The following ZNF730 variants were observed in gnomAD, a reference collection of about 807,000 sequenced individuals.
ZNF730 encodes zinc finger protein 730.
A neutral mutation model predicts 12.6 loss-of-function variants in ZNF730; 12 were observed. That is an observed-to-expected ratio of 0.95 (90% CI 0.61 to 1.54). ZNF730 has a LOEUF of 1.54. Among genes scored for constraint, ZNF730 ranks in the 40% most tolerant of loss-of-function variants. The pLI is 0.00. For missense variants in ZNF730, 643 were observed against 583.5 expected, an observed-to-expected ratio of 1.10 and a Z score of -1.05; for synonymous variants, 194 against 195.8, an observed-to-expected ratio of 0.99 and a Z score of 0.08.
chr19:23,078,487 CAG>C (rs994038909), intron 1 of ZNF730, among the ~76,000 whole-genome samples: 7 of 152,080 alleles, frequency 4.6e-5, no homozygotes, highest in South Asian at 2.1e-4. Context: ...GTTTATGACA[CAG>C]AGATATTTGT....
intron 1 of ZNF730, among the ~76,000 whole-genome samples, chr19:23,099,064 A>G (rs149021861): frequency 0.027 from 4,108 of 152,166 alleles, 88 homozygotes; most frequent in Non-Finnish European, 0.045. Flanking sequence ...GCACACTGTC[A>G]ATTTTTAGAA....
At chr19:23,097,671 A>G (rs1346324478) in intron 1 of ZNF730, among the ~76,000 whole-genome samples, 5 of 152,010 alleles carry the variant, frequency 3.3e-5, no homozygotes. Flanking sequence ...ATTGTGAAAG[A>G]TCTCTGGGAC....
upstream of ZNF730, among the ~76,000 whole-genome samples, chr19:23,116,299 T>TTTTTC (rs565630328): frequency 0.052 from 7,782 of 149,120 alleles, 423 homozygotes; most frequent in African/African-American, 0.13. Flanking sequence ...GTTATTCTGC[T>TTTTTC]TTTTCTTTTC....
At position 23,146,530 on chromosome 19, in the gene ZNF730, A is replaced by G. The variant is rs1029967817; in HGVS notation, c.1486A>G (p.Thr496Ala). The change falls in exon 4 of 4, where the codon ACT (threonine) becomes GCT (alanine). Residue 496 changes from threonine (T) to alanine (A), a missense_variant. Thr to Ala is a moderately conservative substitution (Grantham distance 58, BLOSUM62 0). Transcript: ENST00000597761. ...GKAFRRFSHL[T>A]RHKTIHT ...AGCCTTTAGGCGGTTCTCACACCTT[A>G]CTAGGCATAAGACAATTCATACATA... 6 of 1,582,980 alleles carry G rather than the reference A, an allele frequency of 3.8e-6. No individual in the cohort carries two copies. The highest frequency in any genetic ancestry group is 5.1e-6 in the Non-Finnish European group (6 of 1,167,398).
At chr19:23,083,924 G>T (rs910965424) in intron 1 of ZNF730, among the ~76,000 whole-genome samples, 3 of 152,042 alleles carry the variant, frequency 2.0e-5, no homozygotes, top group African/African-American at 7.2e-5. Flanking sequence ...TTAGCTTGAT[G>T]TAATCTCATT....
chr19:23,106,249 G>A (rs1970391582), intron 1 of ZNF730, among the ~76,000 whole-genome samples: 1 of 152,016 alleles, frequency 6.6e-6, no homozygotes, highest in South Asian at 2.1e-4. Flanking sequence ...AGGAAGAGGA[G>A]AAAGAATAAC....
chr19:23,076,878 C>G (rs1296738173), intron 1 of ZNF730, among the ~76,000 whole-genome samples: 3 of 152,046 alleles, frequency 2.0e-5, no homozygotes, highest in Non-Finnish European at 4.4e-5. Flanking sequence ...TATAAAGACA[C>G]GTGCATGTGT....
At chr19:23,143,196 A>G (rs558945309) in intron 3 of ZNF730, among the ~76,000 whole-genome samples, 1 of 152,024 alleles carries the variant, frequency 6.6e-6, no homozygotes, top group Non-Finnish European at 1.5e-5. Context: ...AGTGAGCCGA[A>G]ATAGTGCCAC....
rs529523424 is a variant in ZNF730, at chr19:23,081,487, T to C, written c.-94+6100T>C. 2.6e-5 allele frequency among the ~76,000 whole-genome samples: 4 copies of C among 152,142 alleles called. No homozygotes were observed. In the East Asian group the frequency reaches 7.8e-4, roughly 30 times the overall value. ...GGCGTGAGCCACCACGCCCACCTGATCTTTGTAGTTTTAGTAGAGATGGGG... is the reference window on the plus strand; with the variant it reads ...GGCGTGAGCCACCACGCCCACCTGACCTTTGTAGTTTTAGTAGAGATGGGG... On this transcript the variant is annotated intron_variant, in intron 1 of 2. Transcript: ENST00000593635.
upstream of ZNF730, among the ~76,000 whole-genome samples, chr19:23,116,016 C>T (rs772941353): frequency 1.3e-5 from 2 of 152,198 alleles, no homozygotes; most frequent in African/African-American, 2.4e-5. Flanking sequence ...TGTTGAGTAA[C>T]GCTGCAATAC....
At position 23,102,074 on chromosome 19, in the gene ZNF730, G is replaced by T. The variant is rs1199077171; in HGVS notation, c.-94+26687G>T. 2.6e-5 allele frequency among the ~76,000 whole-genome samples: 4 copies of T among 152,108 alleles called. No individual in the cohort carries two copies. In the East Asian group the frequency reaches 7.7e-4, roughly 29 times the overall value. On this transcript the variant is annotated intron_variant, in intron 1 of 2. Coordinates refer to the ZNF730 transcript ENST00000593635. ...TCCTCCCTGGGCCTTGTCTACAGAG[G>T]GCCTTGTGACATATCTCTGCATCAG...
At chr19:23,133,276 G>A (rs1189124182) in intron 1 of ZNF730, among the ~76,000 whole-genome samples, 1 of 152,032 alleles carries the variant, frequency 6.6e-6, no homozygotes, top group East Asian at 1.9e-4. Flanking sequence ...CTCCATATTT[G>A]ACAAAATAGC....
intron 1 of ZNF730, among the ~76,000 whole-genome samples, chr19:23,101,490 G>GTGCTCT (rs1970335314): frequency 6.6e-6 from 1 of 152,198 alleles, no homozygotes; most frequent in Admixed American, 6.5e-5. Flanking sequence ...GACATATATG[G>GTGCTCT]AATTTCTACT....
Position 23,146,463 on chromosome 19 carries a change from T to G in ZNF730, c.1419T>G (p.Ile473Met), listed in dbSNP as rs755787952. ...CAACCCTCACTACACATAAGATAATTCATTCTGGGGAAAAAATCTACAAAT... is the reference window on the plus strand; with the variant it reads ...CAACCCTCACTACACATAAGATAATGCATTCTGGGGAAAAAATCTACAAAT... Reference protein sequence around the residue: ...RSSTLTTHKIIHSGEKIYKCK... With the variant: ...RSSTLTTHKIMHSGEKIYKCK... The change falls in exon 4 of 4, where the codon ATT (isoleucine) becomes ATG (methionine). Residue 473 changes from isoleucine (I) to methionine (M), a missense_variant. Ile to Met is a conservative substitution (Grantham distance 10, BLOSUM62 1). Transcript: ENST00000597761. 6.2e-7 allele frequency: 1 copy of G among 1,609,702 alleles called. No individual in the cohort carries two copies. The highest frequency in any genetic ancestry group is 8.5e-7 in the Non-Finnish European group (1 of 1,178,886).
upstream of ZNF730, among the ~76,000 whole-genome samples, chr19:23,113,435 A>G (rs2145579761): frequency 6.6e-6 from 1 of 152,350 alleles, no homozygotes; most frequent in Middle Eastern, 3.4e-3. Flanking sequence ...AGACATATGT[A>G]ACTATGATGA....
chr19:23,127,165 T>G lies in ZNF730; in HGVS notation c.4-6915T>G, dbSNP rs1275808176. 7.4e-6 allele frequency: 4 copies of G among 538,422 alleles called. No homozygotes were observed. In the African/African-American group the frequency reaches 7.6e-5, roughly 10 times the overall value. 33.4% of individuals were successfully genotyped at this position (538,422 alleles called of 1,614,324 possible). A position where few individuals can be genotyped will look rare whatever the true frequency, so the allele number is the denominator to read the frequency against. ...TTCTAAAAGAAATGTTTGTTCATGC[T>G]CAAAGAAATTATCTACATCCTTTAC... On this transcript the variant is annotated intron_variant, in intron 1 of 3. Transcript: ENST00000597761.
chr19:23,080,421 G>T (rs990027037), intron 1 of ZNF730, among the ~76,000 whole-genome samples: 4 of 151,650 alleles, frequency 2.6e-5, no homozygotes, highest in African/African-American at 4.8e-5. Flanking sequence ...TGCCACCCAG[G>T]CTGGAGTGCA....
intron 3 of ZNF730, among the ~76,000 whole-genome samples, chr19:23,137,265 T>C (rs1353543918): frequency 6.6e-6 from 1 of 152,220 alleles, no homozygotes; most frequent in Non-Finnish European, 1.5e-5. Flanking sequence ...CTTCTCTAAT[T>C]TTTTTAATTG....
chr19:23,133,687 T>G (rs1205173180), intron 1 of ZNF730, among the ~76,000 whole-genome samples: 1 of 152,202 alleles, frequency 6.6e-6, no homozygotes, highest in African/African-American at 2.4e-5. Flanking sequence ...CAGACTGCAT[T>G]AACAAGATCT....
Sources: allele counts gnomAD v4.1 joint callset (sites outside exome capture counted in the v4.1 genomes callset), GRCh38; gene constraint gnomAD v4.1.1; transcripts MANE v1.5; gene names NCBI Gene and HGNC (gene_info 2026-07-23, HGNC 2026-07-21).